NRXN1: variants seen among roughly 807,000 people sequenced by gnomAD.
NRXN1 encodes neurexin 1.
A neutral mutation model predicts 150.9 loss-of-function variants in NRXN1; 39 were observed. The observed-to-expected ratio is 0.26, with a 90% CI of 0.20 to 0.34. The LOEUF (loss-of-function observed/expected upper bound fraction) is 0.34. Among genes scored for constraint, NRXN1 ranks in the 10% least tolerant of loss-of-function variants. NRXN1 has a pLI of 1.00. For missense variants in NRXN1, 1,815 were observed against 1,949.9 expected (o/e 0.93, Z 1.30); for synonymous variants, 924 against 757.0 (o/e 1.22, Z -3.62).
rs147325573 is a variant in NRXN1 at position 50,706,783 on chromosome 2, A to G, written c.833-83168T>C. Among the ~76,000 whole-genome samples the G allele has an allele frequency of 2.5e-3, 382 of 152,122 alleles. 3 individuals are homozygous for G. Among genetic ancestry groups the G allele is most frequent in the African/African-American group, 8.4e-3 (349 of 41,528 alleles). ...AATATGATAGCAGAAGGCAACCAATATAAGTCATATGAAAAGACATATTTG... is the reference window on the plus strand; with the variant it reads ...AATATGATAGCAGAAGGCAACCAATGTAAGTCATATGAAAAGACATATTTG... On this transcript the variant is annotated intron_variant, in intron 5 of 22. Coordinates refer to ENST00000401669, the MANE Select transcript of NRXN1 (RefSeq NM_001330078.2).
intron 18 of NRXN1, among the ~76,000 whole-genome samples, chr2:50,114,464 C>A (rs1390101258): frequency 6.6e-6 from 1 of 152,052 alleles, no homozygotes; most frequent in African/African-American, 2.4e-5. Flanking sequence ...CTTACTAAAT[C>A]AAACATACTC....
intron 2 of NRXN1, among the ~76,000 whole-genome samples, chr2:51,017,739 A>G (rs990783188): frequency 6.6e-6 from 1 of 151,862 alleles, no homozygotes; most frequent in Non-Finnish European, 1.5e-5. Flanking sequence ...AACTTCCTAT[A>G]TTTAGAATGT....
intron 22 of NRXN1, 90 bp from the exon 23 acceptor site, chr2:49,922,341 A>G (rs1668365814): frequency 7.9e-7 from 1 of 1,268,192 alleles, no homozygotes; most frequent in Admixed American, 2.0e-5. Flanking sequence ...ATCTAATTCT[A>G]ACAGCACCTA....
chr2:50,195,246 T>C (rs1333029058), intron 18 of NRXN1, among the ~76,000 whole-genome samples: 1 of 152,174 alleles, frequency 6.6e-6, no homozygotes, highest in Non-Finnish European at 1.5e-5. Context: ...GCTGCTTGGG[T>C]CCAAGCGAAC....
chr2:50,901,019 T>C (rs1682860249), intron 5 of NRXN1, among the ~76,000 whole-genome samples: 1 of 152,216 alleles, frequency 6.6e-6, no homozygotes, highest in African/African-American at 2.4e-5. Flanking sequence ...GGTACACTCC[T>C]GTGTCCCATT....
intron 17 of NRXN1, among the ~76,000 whole-genome samples, chr2:50,439,351 C>T (rs140517406): frequency 2.1e-3 from 325 of 152,302 alleles, no homozygotes; most frequent in African/African-American, 7.4e-3. Context: ...ATAGTCATTG[C>T]TTTAAGAAAA....
At chr2:49,937,177 T>C (rs966770764) in intron 22 of NRXN1, among the ~76,000 whole-genome samples, 1 of 152,136 alleles carries the variant, frequency 6.6e-6, no homozygotes, top group African/African-American at 2.4e-5. Context: ...TGTAAAACTA[T>C]CCCCCTGTCA....
chr2:50,465,302 G>A (rs1368623934), intron 17 of NRXN1, 140 bp downstream of exon 17: 13 of 700,622 alleles, frequency 1.9e-5, no homozygotes, highest in Admixed American at 1.2e-4. Context: ...TGTCCTTTCC[G>A]TAGAAACAAC....
chr2:50,072,441 A>G (rs906174268), intron 19 of NRXN1, among the ~76,000 whole-genome samples: 27 of 152,204 alleles, frequency 1.8e-4, no homozygotes, highest in South Asian at 2.1e-4. Flanking sequence ...CACTGTGTCC[A>G]CTTCAAAAAC....
intron 18 of NRXN1, among the ~76,000 whole-genome samples, chr2:50,215,185 C>A (rs2063310789): frequency 6.6e-6 from 1 of 151,970 alleles, no homozygotes; most frequent in African/African-American, 2.4e-5. Context: ...CACCTCCATT[C>A]TAATCCTACT....
intron 18 of NRXN1, among the ~76,000 whole-genome samples, chr2:50,151,731 AT>A (rs768983655): frequency 6.6e-5 from 10 of 151,822 alleles, no homozygotes; most frequent in Non-Finnish European, 1.5e-4. Flanking sequence ...TGATGGATAC[AT>A]TCTAAAGTTG....
intron 5 of NRXN1, among the ~76,000 whole-genome samples, chr2:50,808,475 C>T (rs1290197083): frequency 6.8e-6 from 1 of 147,536 alleles, no homozygotes. Flanking sequence ...TACTGAAATG[C>T]AAAAAAAAAG....
In NRXN1 at chr2:50,939,210, CAAAAAAAAAAAA is replaced by C. The variant is rs78496825; in HGVS notation, c.773-13267_773-13256del. ...TGGGCAACAGAGCGAGACTCCATCT[CAAAAAAAAAAAA>C]AAAAAAAAAAAAAAATTAAATGTAG... On this transcript the variant is annotated intron_variant, in intron 2 of 22. Transcript: ENST00000401669. 1.0e-4 allele frequency among the ~76,000 whole-genome samples: 7 copies of C among 68,318 alleles called. 1 individual carries two copies. The highest frequency in any genetic ancestry group is 2.1e-4 in the Non-Finnish European group (7 of 33,098). The allele number at this position is 68,318 out of a possible 152,430, so 44.8% of individuals were successfully genotyped here.
Position 50,425,787 on chromosome 2 carries a change from A to C in NRXN1, c.3364+39655T>G, listed in dbSNP as rs2084428467. Reference sequence around the variant, plus strand: ...CTTTGAGATGAAGAGGCATGTCGTCATAGGTTACCCCCGACAGGGCCCCTG... The same window carrying C: ...CTTTGAGATGAAGAGGCATGTCGTCCTAGGTTACCCCCGACAGGGCCCCTG... On this transcript the variant is annotated intron_variant, in intron 17 of 22. Transcript: ENST00000401669. 1.1e-4 allele frequency among the ~76,000 whole-genome samples: 17 copies of C among 152,256 alleles called. No individual in the cohort carries two copies. In the South Asian group the frequency reaches 3.5e-3, roughly 32 times the overall value.
At chr2:50,563,122 T>C (rs551188178) in intron 8 of NRXN1, among the ~76,000 whole-genome samples, 50 of 152,312 alleles carry the variant, frequency 3.3e-4, no homozygotes, top group Non-Finnish European at 6.5e-4. Context: ...GTCTTCTGTA[T>C]TGACAAAATA....
chr2:50,006,426 A>T (rs577007740), intron 21 of NRXN1, among the ~76,000 whole-genome samples: 1 of 152,212 alleles, frequency 6.6e-6, no homozygotes, highest in South Asian at 2.1e-4. Flanking sequence ...CTGCAGACCA[A>T]GTCCAAACTC....
chr2:50,001,322 G>A (rs1167660214), intron 21 of NRXN1, among the ~76,000 whole-genome samples: 5 of 152,006 alleles, frequency 3.3e-5, no homozygotes, highest in East Asian at 1.9e-4. Context: ...TGCTTACATT[G>A]AAGACAATCA....
chr2:50,995,166 A>G (rs1699075463), intron 2 of NRXN1, among the ~76,000 whole-genome samples: 1 of 152,022 alleles, frequency 6.6e-6, no homozygotes, highest in African/African-American at 2.4e-5. Context: ...AAACTGAGAC[A>G]TAATGAACTG....
rs140952671 is a variant in NRXN1 at position 50,678,977 on chromosome 2, G to A, written c.833-55362C>T. ...TTAGAAATTCTAGGGACAGATGTAC[G>A]GTCAGAGTTGGGAAGGAAGGAATTG... is the stretch of plus-strand genomic sequence containing the variant. On this transcript the variant is annotated intron_variant, in intron 5 of 22. Transcript: ENST00000401669. 4.5e-3 allele frequency among the ~76,000 whole-genome samples: 682 copies of A among 152,128 alleles called. 4 individuals are homozygous for A. Among genetic ancestry groups the A allele is most frequent in the African/African-American group, 0.015 (628 of 41,506 alleles).
Sources: gnomAD v4.1 joint callset for allele counts (sites outside exome capture counted in the v4.1 genomes callset) on GRCh38, gnomAD v4.1.1 for gene constraint, MANE v1.5 for transcripts, NCBI Gene and HGNC (gene_info 2026-07-23, HGNC 2026-07-21) for gene names.